JAZF1: variants seen among roughly 807,000 people sequenced by gnomAD.
JAZF1 encodes juxtaposed with another zinc finger protein 1.
In JAZF1, 8 loss-of-function variants were observed where a neutral mutation model predicts 26.4. The observed-to-expected ratio is 0.30, with a 90% CI of 0.18 to 0.55. The LOEUF (loss-of-function observed/expected upper bound fraction) is 0.55, where lower values mean the gene tolerates loss of function less well. JAZF1 is among the 20% of genes least tolerant of loss of function. The pLI is 0.94. For synonymous variants in JAZF1, 126 were observed against 122.3 expected, an observed-to-expected ratio of 1.03 and a Z score of -0.20; for missense variants, 199 against 322.0, an observed-to-expected ratio of 0.62 and a Z score of 2.92.
At chr7:27,855,002 C>T (rs1783218904) in intron 3 of JAZF1, among the ~76,000 whole-genome samples, 1 of 152,216 alleles carries the variant, frequency 6.6e-6, no homozygotes, top group African/African-American at 2.4e-5. Context: ...GTACACCAAT[C>T]AAACATAGGT....
Position 27,831,977 on chromosome 7 carries a change from G to A in JAZF1, c.*823C>T. On this transcript the variant is annotated 3_prime_UTR_variant, in exon 5 of 5. Coordinates refer to ENST00000283928, the MANE Select transcript of JAZF1 (RefSeq NM_175061.4). ...TCAAAGTCTTTTCTAACAGATTTCA[G>A]GGAAAAAAGTATTTCACTAAATGGG... 4.5e-6 allele frequency: 1 copy of A among 219,958 alleles called. No individual in the cohort carries two copies. Among genetic ancestry groups the A allele is most frequent in the Non-Finnish European group, 9.1e-6 (1 of 109,448 alleles). The allele number at this position is 219,958 out of a possible 1,614,324, so 13.6% of individuals were successfully genotyped here.
intron 1 of JAZF1, among the ~76,000 whole-genome samples, chr7:28,122,986 GC>G (rs527357454): frequency 2.1e-3 from 315 of 152,136 alleles, no homozygotes; most frequent in African/African-American, 7.5e-3. Flanking sequence ...TTCTCTACCA[GC>G]AGCAATCAGT....
At chr7:28,090,812 T>TA (rs1173997095) in intron 1 of JAZF1, among the ~76,000 whole-genome samples, 1 of 148,654 alleles carries the variant, frequency 6.7e-6, no homozygotes, top group Non-Finnish European at 1.5e-5. Context: ...GACTTTTTTT[T>TA]AGTTGTTTTT....
intron 2 of JAZF1, among the ~76,000 whole-genome samples, chr7:27,990,040 T>C (rs1431689124): frequency 3.9e-5 from 6 of 152,130 alleles, no homozygotes; most frequent in Non-Finnish European, 7.3e-5. Context: ...AACCCAAATG[T>C]CCATCAGTGA....
intron 1 of JAZF1, among the ~76,000 whole-genome samples, chr7:28,076,442 C>T (rs1409931747): frequency 6.6e-6 from 1 of 151,994 alleles, no homozygotes; most frequent in Non-Finnish European, 1.5e-5. Flanking sequence ...TGCAGGCTAA[C>T]CAGAAAGAAA....
intron 1 of JAZF1, among the ~76,000 whole-genome samples, chr7:28,046,055 T>TG (rs1477756080): frequency 1.1e-4 from 16 of 152,242 alleles, no homozygotes; most frequent in Non-Finnish European, 2.4e-4. Context: ...CTACAAGAAC[T>TG]GTGATAGGTT....
rs369048705 is a variant in JAZF1, at chr7:27,974,423, TGAC to T, written c.188+17483_188+17485del. On this transcript the variant is annotated intron_variant, in intron 2 of 4. Coordinates refer to ENST00000283928, the MANE Select transcript of JAZF1 (RefSeq NM_175061.4). ...GAATTTCAGCACTGAGAGCATCTGC[TGAC>T]GAGGGGATGGGGACTTCCTTAAGGA... 7.3e-3 allele frequency among the ~76,000 whole-genome samples: 1,114 copies of T among 152,310 alleles called. 10 individuals carry two copies. Among genetic ancestry groups the T allele is most frequent in the African/African-American group, 0.025 (1,057 of 41,570 alleles).
chr7:27,952,885 C>T (rs567547189), intron 2 of JAZF1, among the ~76,000 whole-genome samples: 1 of 152,334 alleles, frequency 6.6e-6, no homozygotes, highest in South Asian at 2.1e-4. Flanking sequence ...ATTCAATAAA[C>T]AAATCTTACC....
chr7:27,845,711 A>AAAAGAAAG (rs1554328476), intron 3 of JAZF1, among the ~76,000 whole-genome samples: 12 of 137,672 alleles, frequency 8.7e-5, no homozygotes, highest in Admixed American at 2.2e-4. Flanking sequence ...AAAAAAAAAA[A>AAAAGAAAG]AAAGAAAAGA....
At chr7:28,039,345 G>A (rs1783350120) in intron 1 of JAZF1, among the ~76,000 whole-genome samples, 1 of 152,116 alleles carries the variant, frequency 6.6e-6, no homozygotes, top group East Asian at 1.9e-4. Context: ...CGGGGAAACT[G>A]AGGTTCAGGA....
intron 1 of JAZF1, among the ~76,000 whole-genome samples, chr7:28,080,932 AAAAAAAAAC>A (rs1401862039): frequency 1.5e-5 from 2 of 131,944 alleles, no homozygotes; most frequent in Admixed American, 1.4e-4. Flanking sequence ...TACAATTTGT[AAAAAAAAAC>A]AAAAAAAAAA....
At chr7:28,081,144 A>G (rs534651634) in intron 1 of JAZF1, among the ~76,000 whole-genome samples, 122 of 152,340 alleles carry the variant, frequency 8.0e-4, no homozygotes, top group Admixed American at 3.5e-3. Context: ...ACCTCAGGGC[A>G]GCGGGGGACA....
intron 2 of JAZF1, among the ~76,000 whole-genome samples, chr7:27,897,559 A>G (rs1443106192): frequency 6.6e-6 from 1 of 152,192 alleles, no homozygotes; most frequent in Non-Finnish European, 1.5e-5. Context: ...TCTACGTAAG[A>G]ATGACCTCTG....
At chr7:28,051,131 C>CAAAA (rs775277755) in intron 1 of JAZF1, among the ~76,000 whole-genome samples, 1 of 96,536 alleles carries the variant, frequency 1.0e-5, no homozygotes. Context: ...GACTCCATCT[C>CAAAA]AAAAAAAAAA....
chr7:28,007,472 G>A (rs566561747), intron 1 of JAZF1, among the ~76,000 whole-genome samples: 9 of 152,172 alleles, frequency 5.9e-5, no homozygotes, highest in Non-Finnish European at 1.0e-4. Context: ...GGGAGGCTGA[G>A]GCAGGAGAAT....
At chr7:27,850,610 G>A (rs965425741) in intron 3 of JAZF1, among the ~76,000 whole-genome samples, 24 of 152,314 alleles carry the variant, frequency 1.6e-4, no homozygotes, top group South Asian at 1.2e-3. Context: ...TGAGTGAATC[G>A]AGTTCAGACG....
At chr7:28,113,214 G>C (rs1244113078) in intron 1 of JAZF1, among the ~76,000 whole-genome samples, 2 of 152,126 alleles carry the variant, frequency 1.3e-5, no homozygotes, top group Non-Finnish European at 2.9e-5. Flanking sequence ...GTTGCTTTAT[G>C]GCGACAGACT....
At chr7:28,084,801 T>C (rs1784188747) in intron 1 of JAZF1, among the ~76,000 whole-genome samples, 1 of 152,214 alleles carries the variant, frequency 6.6e-6, no homozygotes, top group African/African-American at 2.4e-5. Context: ...TCTGCTGTGG[T>C]TTGAATGTTT....
At chr7:27,834,164 C>T (rs187080958) in intron 4 of JAZF1, among the ~76,000 whole-genome samples, 76 of 152,324 alleles carry the variant, frequency 5.0e-4, no homozygotes, top group African/African-American at 1.8e-3. Flanking sequence ...AAAACAGCTC[C>T]CTGCTGTTGT....
Sources: allele counts gnomAD v4.1 joint callset (sites outside exome capture counted in the v4.1 genomes callset), GRCh38; gene constraint gnomAD v4.1.1; transcripts MANE v1.5; gene names NCBI Gene and HGNC (gene_info 2026-07-23, HGNC 2026-07-21).